The following NCKAP1 variants were observed in gnomAD, a reference collection of about 807,000 sequenced individuals.
NCKAP1 encodes NCK associated protein 1, also known as nck-associated protein 1.
In NCKAP1, 21 loss-of-function variants were observed where a neutral mutation model predicts 151.2. The observed-to-expected ratio is 0.14, with a 90% CI of 0.10 to 0.20. NCKAP1 has a LOEUF of 0.20. Ranked by LOEUF, NCKAP1 falls within the 10% of genes least tolerant of loss-of-function variation. The pLI is 1.00. For missense variants in NCKAP1, 933 were observed against 1,352.1 expected, an observed-to-expected ratio of 0.69 and a Z score of 4.86; for synonymous variants, 484 against 451.8, an observed-to-expected ratio of 1.07 and a Z score of -0.90.
At chr2:182,953,356 A>T (rs1168145043) in intron 20 of NCKAP1, 25 bp from the exon 21 acceptor site, 1 of 1,533,764 alleles carries the variant, frequency 6.5e-7, no homozygotes, top group East Asian at 2.3e-5. Flanking sequence ...TAGAAGAATA[A>T]GAAAAGCCTC....
At chr2:183,010,435 A>G (rs925136277) in intron 2 of NCKAP1, among the ~76,000 whole-genome samples, 3 of 152,228 alleles carry the variant, frequency 2.0e-5, no homozygotes, top group Non-Finnish European at 2.9e-5. Flanking sequence ...GCGGTAACCT[A>G]AAACCAGTGA....
At chr2:182,958,945 T>C (rs1164595634) in intron 18 of NCKAP1, among the ~76,000 whole-genome samples, 1 of 152,220 alleles carries the variant, frequency 6.6e-6, no homozygotes, top group East Asian at 1.9e-4. Flanking sequence ...ATTTCATTCA[T>C]ATGATTACAT....
At chr2:183,035,379 T>G (rs1424667007) in intron 1 of NCKAP1, among the ~76,000 whole-genome samples, 1 of 152,160 alleles carries the variant, frequency 6.6e-6, no homozygotes, top group Non-Finnish European at 1.5e-5. Context: ...ACTTAACTAT[T>G]TTTCATTGTA....
At chr2:182,962,609 A>C (rs73046213) in intron 17 of NCKAP1, among the ~76,000 whole-genome samples, 7,400 of 152,216 alleles carry the variant, frequency 0.049, 591 homozygotes, top group African/African-American at 0.17. Flanking sequence ...AAAATATTAA[A>C]CATATAATGT....
rs1264385442 is a variant in NCKAP1 at position 182,922,198 on chromosome 2, G to A, written c.*3504C>T. ...AAAGGCAAGTCCTTATAACAGAATG[G>A]GCATGGATCATGTACTAATCAGTAG... On this transcript the variant is annotated 3_prime_UTR_variant, in exon 31 of 31. Transcript: ENST00000361354. The A allele has an allele frequency of 4.6e-5, 7 of 152,122 alleles. No individual in the cohort carries two copies. Among genetic ancestry groups the A allele is most frequent in the Admixed American group, 4.6e-4 (7 of 15,278 alleles). The allele number at this position is 152,122 out of a possible 1,614,324, so 9.4% of individuals were successfully genotyped here.
At chr2:182,983,020 G>T in intron 11 of NCKAP1, 93 bp from the exon 12 acceptor site, 1 of 930,888 alleles carries the variant, frequency 1.1e-6, no homozygotes, top group Non-Finnish European at 1.6e-6. Flanking sequence ...GGCAAGAAGT[G>T]ATAATATCAA....
At position 183,002,569 on chromosome 2, in the gene NCKAP1, C is replaced by T. The variant is rs370672188; in HGVS notation, c.370-300G>A. On this transcript the variant is annotated intron_variant, in intron 4 of 30. Coordinates refer to ENST00000361354, the MANE Select transcript of NCKAP1 (RefSeq NM_013436.5). Reference sequence around the variant, plus strand: ...ATAAGGAACACTGGTGCCAATCTCACGAAAGAGGAAAAAAATTATTTTTTA... The same window carrying T: ...ATAAGGAACACTGGTGCCAATCTCATGAAAGAGGAAAAAAATTATTTTTTA... Among the ~76,000 whole-genome samples the T allele has an allele frequency of 7.9e-5, 12 of 151,578 alleles. No individual in the cohort carries two copies. In the East Asian group the frequency reaches 9.7e-4, roughly 12 times the overall value.
At chr2:182,954,886 TA>T (rs1177750087) in intron 20 of NCKAP1, among the ~76,000 whole-genome samples, 4 of 149,176 alleles carry the variant, frequency 2.7e-5, no homozygotes, top group East Asian at 2.0e-4. Context: ...GATGTTTGGT[TA>T]AAAAAAAAAC....
chr2:183,012,758 C>T (rs543581353), intron 2 of NCKAP1, among the ~76,000 whole-genome samples: 2 of 150,726 alleles, frequency 1.3e-5, no homozygotes, highest in Non-Finnish European at 3.0e-5. Flanking sequence ...GGAAAACATG[C>T]GCACGCCACC....
intron 15 of NCKAP1, among the ~76,000 whole-genome samples, chr2:182,971,302 G>A (rs1004861476): frequency 9.4e-5 from 14 of 148,834 alleles, no homozygotes; most frequent in East Asian, 3.9e-4. Context: ...GCTGAGGCAG[G>A]AGAATGGCGT....
chr2:182,952,251 T>C (rs1697230011), intron 23 of NCKAP1, among the ~76,000 whole-genome samples, 154 bp downstream of exon 23: 1 of 152,178 alleles, frequency 6.6e-6, no homozygotes, highest in South Asian at 2.1e-4. Context: ...TAAGATGCCA[T>C]AAAAAGGCCT....
chr2:183,004,686 C>A (rs988944230), intron 2 of NCKAP1, among the ~76,000 whole-genome samples: 3 of 151,890 alleles, frequency 2.0e-5, no homozygotes, highest in African/African-American at 7.3e-5. Context: ...CAGTTCGAGA[C>A]CAGCCTGACC....
chr2:182,935,887 C>T (rs1485824036), intron 24 of NCKAP1, among the ~76,000 whole-genome samples: 2 of 152,112 alleles, frequency 1.3e-5, no homozygotes, highest in Non-Finnish European at 2.9e-5. Flanking sequence ...GCAGTTTTGG[C>T]AGGACCAGTT....
chr2:183,012,428 T>C (rs1253403406), intron 2 of NCKAP1, among the ~76,000 whole-genome samples: 1 of 152,200 alleles, frequency 6.6e-6, no homozygotes, highest in Non-Finnish European at 1.5e-5. Flanking sequence ...GTTTAAATTA[T>C]CCTGGCTTCT....
At chr2:183,027,562 G>A (rs1262492082) in intron 1 of NCKAP1, among the ~76,000 whole-genome samples, 1 of 152,060 alleles carries the variant, frequency 6.6e-6, no homozygotes, top group Admixed American at 6.6e-5. Context: ...AATAATTCAG[G>A]TAAGAAGGCT....
Position 182,983,494 on chromosome 2 carries a change from A to G in NCKAP1, c.1005-112T>C, listed in dbSNP as rs947458097. 12 of 645,012 alleles carry G rather than the reference A, an allele frequency of 1.9e-5. No individual in the cohort carries two copies. In the African/African-American group the frequency reaches 2.2e-4, roughly 12 times the overall value. The allele number at this position is 645,012 out of a possible 1,614,324, so 40.0% of individuals were successfully genotyped here. ...TCCAAAGTCTTTTTTTAGGAAGCCA[A>G]AGTTCCTATAAAAATCATCTTCTAT... On this transcript the variant is annotated intron_variant, in intron 10 of 30. Coordinates refer to ENST00000361354, the MANE Select transcript of NCKAP1 (RefSeq NM_013436.5).
chr2:182,976,857 TAAC>T (rs1398190671), intron 15 of NCKAP1, 33 bp downstream of exon 15: 1 of 1,353,924 alleles, frequency 7.4e-7, no homozygotes, highest in African/African-American at 1.5e-5. Context: ...TTAACTAAAA[TAAC>T]AAAACAGAAT....
intron 6 of NCKAP1, among the ~76,000 whole-genome samples, chr2:182,999,230 T>G (rs2105872480): frequency 6.6e-6 from 1 of 151,756 alleles, no homozygotes; most frequent in Non-Finnish European, 1.5e-5. Context: ...TGGGAGAAAA[T>G]AATTGCAAAC....
Position 182,917,829 on chromosome 2 carries a change from A to T in NCKAP1, c.*7873T>A, listed in dbSNP as rs1435175042. On this transcript the variant is annotated 3_prime_UTR_variant, in exon 31 of 31. Coordinates refer to ENST00000361354, the MANE Select transcript of NCKAP1 (RefSeq NM_013436.5). ...ACATATTATCTACTATATATGTGGG[A>T]TAAGACAGCCTAGGAAAGAAATCTG... 6.6e-6 allele frequency: 1 copy of T among 152,210 alleles called. No individual in the cohort carries two copies. Among genetic ancestry groups the T allele is most frequent in the East Asian group, 1.9e-4 (1 of 5,198 alleles). The allele number at this position is 152,210 out of a possible 1,614,324, so 9.4% of individuals were successfully genotyped here.
Sources: gnomAD v4.1 joint callset for allele counts (sites outside exome capture counted in the v4.1 genomes callset) on GRCh38, gnomAD v4.1.1 for gene constraint, MANE v1.5 for transcripts, NCBI Gene and HGNC (gene_info 2026-07-23, HGNC 2026-07-21) for gene names.